ANKRD11: variants seen among roughly 807,000 people sequenced by gnomAD.
The protein encoded by ANKRD11 is ankyrin repeat domain 11.
In ANKRD11, 17 loss-of-function variants were observed where a neutral mutation model predicts 195.7. That is an observed-to-expected ratio of 0.09 (90% CI 0.06 to 0.13). The LOEUF is 0.13. Ranked by LOEUF, ANKRD11 falls within the 10% of genes least tolerant of loss-of-function variation. ANKRD11 has a pLI of 1.00. For synonymous variants in ANKRD11, 1,953 were observed against 1,528.1 expected (o/e 1.28, Z -6.49); for missense variants, 3,735 against 3,566.1 (o/e 1.05, Z -1.21).
Position 89,283,468 on chromosome 16 carries a change from G to A in ANKRD11, c.3074C>T (p.Pro1025Leu). ...PDKERKEKTK[P>L]ERYKEKSSDK... ...ACTGGATTTCTCTTTGTATCTTTCTGGTTTTGTCTTCTCCTTCCTTTCCTT... is the reference window on the plus strand; with the variant it reads ...ACTGGATTTCTCTTTGTATCTTTCTAGTTTTGTCTTCTCCTTCCTTTCCTT... The change falls in exon 9 of 13, where the codon CCA becomes CTA. Residue 1025 changes from proline (P) to leucine (L), a missense_variant. By Grantham distance (98) the Pro-to-Leu change is moderately conservative (BLOSUM62 -3). Coordinates refer to ENST00000301030, the MANE Select transcript of ANKRD11 (RefSeq NM_013275.6). The surrounding 1 kb of genome is among the most constrained non-coding windows in gnomAD (Gnocchi z 4.3). 1 of 1,614,068 alleles carries A rather than the reference G, an allele frequency of 6.2e-7. No individual in the cohort carries two copies. The highest frequency in any genetic ancestry group is 8.5e-7 in the Non-Finnish European group (1 of 1,180,018).
intron 2 of ANKRD11, among the ~76,000 whole-genome samples, chr16:89,367,696 T>A (rs1567707739): frequency 6.6e-6 from 1 of 151,976 alleles, no homozygotes; most frequent in African/African-American, 2.4e-5. Context: ...CAGCTGCAGG[T>A]TTTTTGCAGA....
At chr16:89,360,601 G>A (rs1391286504) in intron 2 of ANKRD11, 1 of 152,182 alleles carries the variant, frequency 6.6e-6, no homozygotes, top group East Asian at 1.9e-4. Flanking sequence ...AGTCGGGAAT[G>A]ACAGCATTCT....
intron 1 of ANKRD11, among the ~76,000 whole-genome samples, chr16:89,487,581 G>A (rs539063248): frequency 5.3e-4 from 81 of 152,070 alleles, no homozygotes; most frequent in South Asian, 4.2e-4. Flanking sequence ...CAAGACCAGC[G>A]TGGCCAACAT....
rs773754621 is a variant in ANKRD11 at position 89,281,608 on chromosome 16, A to T, written c.4934T>A (p.Leu1645Gln). The T allele has an allele frequency of 9.9e-6, 16 of 1,614,048 alleles. No individual in the cohort carries two copies. ...CTTTTTGTCTTTAAATGGAGGGTCC[A>T]GCCCCGGCGGTTTCTTAGCAGGAAT... ...LDIPAKKPPG[L>Q]DPPFKDKKLK... The change falls in exon 9 of 13, where the codon CTG becomes CAG. Residue 1645 changes from leucine to glutamine, a missense_variant. By Grantham distance (113) the Leu-to-Gln change is moderately radical. Coordinates refer to ENST00000301030, the MANE Select transcript of ANKRD11 (RefSeq NM_013275.6). This position sits in a 1 kb window ranked among gnomAD's most constrained non-coding sequence, Gnocchi z 5.5.
intron 2 of ANKRD11, among the ~76,000 whole-genome samples, chr16:89,412,935 C>CA (rs2042155363): frequency 6.6e-6 from 1 of 152,178 alleles, no homozygotes; most frequent in East Asian, 1.9e-4. Context: ...TCCCAGCACT[C>CA]AGAGCCGGAT....
chr16:89,463,311 T>C (rs1191630965), intron 1 of ANKRD11, among the ~76,000 whole-genome samples: 1 of 152,234 alleles, frequency 6.6e-6, no homozygotes, highest in African/African-American at 2.4e-5. Flanking sequence ...GGGAGACTTT[T>C]CATTTTGTTC....
In ANKRD11 at chr16:89,463,148, C is replaced by T. The variant is rs548935147; in HGVS notation, c.-145+27097G>A. 3.5e-3 allele frequency among the ~76,000 whole-genome samples: 534 copies of T among 152,200 alleles called. 3 individuals carry two copies. Among genetic ancestry groups the T allele is most frequent in the African/African-American group, 0.012 (486 of 41,546 alleles). Reference sequence around the variant, plus strand: ...CTGGGAAGTGAGGAGCCCCTCTGCCCGGCCACCACCCCGTCTGGGAGGTGT... The same window carrying T: ...CTGGGAAGTGAGGAGCCCCTCTGCCTGGCCACCACCCCGTCTGGGAGGTGT... On this transcript the variant is annotated intron_variant, in intron 1 of 12. Transcript: ENST00000301030.
chr16:89,363,166 C>T (rs1243807640), intron 2 of ANKRD11, among the ~76,000 whole-genome samples: 1 of 152,016 alleles, frequency 6.6e-6, no homozygotes, highest in East Asian at 1.9e-4. Context: ...ACGCCTATCC[C>T]TGTTAAAAAA....
intron 2 of ANKRD11, among the ~76,000 whole-genome samples, chr16:89,372,126 C>G (rs1049076641): frequency 6.6e-6 from 1 of 152,216 alleles, no homozygotes; most frequent in Non-Finnish European, 1.5e-5. Flanking sequence ...CATGCACACA[C>G]GGGCAACTTT....
intron 2 of ANKRD11, among the ~76,000 whole-genome samples, chr16:89,381,358 G>GGGT: frequency 7.9e-6 from 1 of 126,006 alleles, no homozygotes; most frequent in African/African-American, 3.2e-5. Context: ...AAAAAAAGGG[G>GGGT]TGAGAAGGGC....
intron 2 of ANKRD11, among the ~76,000 whole-genome samples, chr16:89,318,962 G>T (rs553440511): frequency 2.6e-5 from 4 of 152,234 alleles, no homozygotes; most frequent in African/African-American, 9.6e-5. Context: ...CCACAAAACC[G>T]GAATGTCTCA....
chr16:89,305,183 C>G lies in ANKRD11; in HGVS notation c.226+23G>C, dbSNP rs767049415. 11 of 1,608,164 alleles carry G rather than the reference C, an allele frequency of 6.8e-6. No homozygotes were observed. The African/African-American group carries it at 8.0e-5, about 12-fold the overall frequency. On this transcript the variant is annotated intron_variant, in intron 4 of 12. Coordinates refer to ENST00000301030, the MANE Select transcript of ANKRD11 (RefSeq NM_013275.6). ...CGGGCTGCCTGTGGAGGGCTGACTG[C>G]AGGAGGGGCCGCGGGCTGGTACCTG...
chr16:89,368,864 C>T (rs935348573), intron 2 of ANKRD11, among the ~76,000 whole-genome samples: 1 of 152,108 alleles, frequency 6.6e-6, no homozygotes, highest in African/African-American at 2.4e-5. Flanking sequence ...CAAGCCACTG[C>T]ACTCAAATCT....
At chr16:89,458,258 T>C (rs1362914297) in intron 1 of ANKRD11, among the ~76,000 whole-genome samples, 1 of 151,932 alleles carries the variant, frequency 6.6e-6, no homozygotes, top group Non-Finnish European at 1.5e-5. Flanking sequence ...GGAATCTCAC[T>C]GTGTCACCCA....
intron 1 of ANKRD11, among the ~76,000 whole-genome samples, chr16:89,428,165 G>A (rs894735939): frequency 2.6e-5 from 4 of 152,042 alleles, no homozygotes; most frequent in Non-Finnish European, 5.9e-5. Flanking sequence ...CCAAGATCGT[G>A]CCACTGCACT....
chr16:89,385,829 C>T (rs771513619), intron 2 of ANKRD11, among the ~76,000 whole-genome samples: 16 of 152,218 alleles, frequency 1.1e-4, no homozygotes, highest in Non-Finnish European at 2.1e-4. Flanking sequence ...AGCCAGAGGC[C>T]GGGGATTAGG....
At chr16:89,353,605 G>C (rs949719479) in intron 2 of ANKRD11, among the ~76,000 whole-genome samples, 2 of 151,968 alleles carry the variant, frequency 1.3e-5, no homozygotes, top group Non-Finnish European at 2.9e-5. Flanking sequence ...AGCCTCCCTA[G>C]TAGCTGGGAT....
intron 2 of ANKRD11, among the ~76,000 whole-genome samples, chr16:89,399,163 G>A (rs113415525): frequency 1.3e-5 from 2 of 152,242 alleles, no homozygotes; most frequent in African/African-American, 2.4e-5. Flanking sequence ...ACGAGTCCAC[G>A]CAAGGACACC....
At chr16:89,314,534 T>C (rs1208130375) in intron 3 of ANKRD11, among the ~76,000 whole-genome samples, 1 of 152,202 alleles carries the variant, frequency 6.6e-6, no homozygotes, top group Non-Finnish European at 1.5e-5. Context: ...TCTGTGGCTC[T>C]TCCGGCCTTT....
Sources: allele counts gnomAD v4.1 joint callset (sites outside exome capture counted in the v4.1 genomes callset), GRCh38; gene constraint gnomAD v4.1.1; non-coding constraint Gnocchi (gnomAD v3.1); transcripts MANE v1.5; gene names NCBI Gene and HGNC (gene_info 2026-07-23, HGNC 2026-07-21).